Variants in SHQ1 observed in about 807,000 individuals in gnomAD.
SHQ1 encodes SHQ1, H/ACA ribonucleoprotein assembly factor, also known as protein SHQ1 homolog.
In SHQ1, 49 loss-of-function variants were observed where a neutral mutation model predicts 53.8. That is an observed-to-expected ratio of 0.91 (90% CI 0.72 to 1.16). The LOEUF is 1.16. SHQ1 is among the 50% of genes most tolerant of loss of function. SHQ1 has a pLI of 0.00. For missense variants in SHQ1, 738 were observed against 683.1 expected (o/e 1.08, Z -0.90); for synonymous variants, 243 against 251.0 (o/e 0.97, Z 0.30).
At chr3:72,813,830 CTTTTTTTTT>C (rs931930903) in intron 8 of SHQ1, among the ~76,000 whole-genome samples, 1 of 108,204 alleles carries the variant, frequency 9.2e-6, no homozygotes, top group Non-Finnish European at 1.8e-5. Context: ...TCCTCTTTTT[CTTTTTTTTT>C]TTTTTTTTGC....
intron 9 of SHQ1, among the ~76,000 whole-genome samples, chr3:72,808,302 C>A (rs1228022637): frequency 2.0e-5 from 3 of 152,180 alleles, no homozygotes; most frequent in East Asian, 1.9e-4. Context: ...TTGTAGCCAA[C>A]CTTGTTTCAG....
rs1256820771 is a variant in SHQ1, at chr3:72,812,748, A to C, written c.983T>G (p.Val328Gly). The C allele has an allele frequency of 1.2e-6, 2 of 1,614,030 alleles. No homozygotes were observed. The highest frequency in any genetic ancestry group is 1.3e-5 in the African/African-American group (1 of 75,028). ...HDIMVSFGRR[V>G]LCYPLYRHFK... ...ATGGCGATAGAGTGGGTAACACAAC[A>C]CCCTTCTTCCAAAAGACACCATGAT... The change falls in exon 9 of 11, where the codon GTG (valine) becomes GGG (glycine). Residue 328 changes from valine to glycine, a missense_variant. Transcript: ENST00000325599.
chr3:72,765,271 G>A (rs907067328), intron 10 of SHQ1, among the ~76,000 whole-genome samples: 9 of 151,834 alleles, frequency 5.9e-5, no homozygotes, highest in African/African-American at 2.2e-4. Flanking sequence ...CCACATGCCT[G>A]CCCCTGAACC....
chr3:72,751,173 G>A (rs1305980182), intron 10 of SHQ1, among the ~76,000 whole-genome samples: 1 of 152,168 alleles, frequency 6.6e-6, no homozygotes, highest in Non-Finnish European at 1.5e-5. Flanking sequence ...CACTTTGGGA[G>A]GCTGAGGCGG....
chr3:72,751,506 G>GTATATA (rs1312437115), intron 10 of SHQ1, among the ~76,000 whole-genome samples: 6 of 117,442 alleles, frequency 5.1e-5, no homozygotes, highest in African/African-American at 2.2e-4. Flanking sequence ...GTGTGTGTGT[G>GTATATA]TGTATATATA....
chr3:72,748,317 C>T (rs1223519332), downstream of SHQ1, among the ~76,000 whole-genome samples: 1 of 92,774 alleles, frequency 1.1e-5, no homozygotes, highest in Non-Finnish European at 2.0e-5. Context: ...CAATCAAAGA[C>T]TATGAGGCAT....
At chr3:72,795,815 A>G (rs1274359451) in intron 9 of SHQ1, among the ~76,000 whole-genome samples, 5 of 152,226 alleles carry the variant, frequency 3.3e-5, no homozygotes, top group Non-Finnish European at 7.3e-5. Context: ...CAGAAAATGC[A>G]GGATTGGGGC....
chr3:72,742,903 C>T, the SHQ1 span, among the ~76,000 whole-genome samples: 3 of 152,170 alleles, frequency 2.0e-5, no homozygotes, highest in African/African-American at 4.8e-5. Flanking sequence ...CCCAAAGTGC[C>T]GGGATTACAG....
At chr3:72,751,535 T>TATATATATACAC (rs1444853961) in intron 10 of SHQ1, among the ~76,000 whole-genome samples, 7 of 139,966 alleles carry the variant, frequency 5.0e-5, no homozygotes, top group Admixed American at 1.4e-4. Context: ...TATATACATA[T>TATATATATACAC]ACATACACTA....
intron 10 of SHQ1, among the ~76,000 whole-genome samples, chr3:72,751,529 T>TATATATATATATATATATATATACACAC (rs1491584090): frequency 7.2e-6 from 1 of 137,994 alleles, no homozygotes; most frequent in African/African-American, 2.9e-5. Flanking sequence ...TATATATATA[T>TATATATATATATATATATATATACACAC]ACATATACAT....
chr3:72,789,105 T>G (rs998498828), intron 10 of SHQ1, among the ~76,000 whole-genome samples: 4 of 114,284 alleles, frequency 3.5e-5, no homozygotes, highest in East Asian at 5.2e-4. Flanking sequence ...AAAAGAAAAA[T>G]AAACTTGTTA....
chr3:72,762,175 A>G (rs942182906), intron 10 of SHQ1, among the ~76,000 whole-genome samples: 5 of 152,214 alleles, frequency 3.3e-5, no homozygotes, highest in African/African-American at 1.2e-4. Flanking sequence ...TTTGAGAAAA[A>G]TAAATGACTT....
At chr3:72,824,789 T>C (rs994901889) in intron 5 of SHQ1, among the ~76,000 whole-genome samples, 2 of 83,426 alleles carry the variant, frequency 2.4e-5, no homozygotes, top group Non-Finnish European at 6.4e-5. Flanking sequence ...GCTGATCTCT[T>C]TTTTTTTTTT....
intron 1 of SHQ1, 77 bp from the exon 2 acceptor site, chr3:72,844,500 T>G: frequency 9.4e-7 from 1 of 1,063,202 alleles, no homozygotes; most frequent in Non-Finnish European, 1.5e-6. Context: ...TTGCAAACAT[T>G]TAACCATCAA....
chr3:72,841,696 A>T (rs2106959660), intron 3 of SHQ1, among the ~76,000 whole-genome samples: 1 of 152,196 alleles, frequency 6.6e-6, no homozygotes, highest in East Asian at 1.9e-4. Context: ...TTTGTGGAAG[A>T]CAACTTTTCC....
intron 6 of SHQ1, among the ~76,000 whole-genome samples, chr3:72,823,074 G>A (rs973580976): frequency 2.1e-4 from 32 of 151,382 alleles, no homozygotes; most frequent in Admixed American, 3.3e-4. Context: ...GCGTGAAACC[G>A]GGAGGCAGAG....
chr3:72,808,980 G>A (rs1707037030), intron 9 of SHQ1, among the ~76,000 whole-genome samples: 1 of 152,196 alleles, frequency 6.6e-6, no homozygotes, highest in African/African-American at 2.4e-5. Context: ...TAAAGGTGGT[G>A]TGGGTGCAGG....
At chr3:72,766,819 C>A (rs1343288412) in intron 10 of SHQ1, among the ~76,000 whole-genome samples, 1 of 152,148 alleles carries the variant, frequency 6.6e-6, no homozygotes, top group African/African-American at 2.4e-5. Flanking sequence ...CTGGAGGAAA[C>A]CTGCTAGATA....
At chr3:72,797,271 T>C (rs527590555) in intron 9 of SHQ1, among the ~76,000 whole-genome samples, 1 of 151,804 alleles carries the variant, frequency 6.6e-6, no homozygotes, top group African/African-American at 2.4e-5. Flanking sequence ...AAAAAATAAA[T>C]AAATAAAATA....
Sources: allele counts gnomAD v4.1 joint callset (sites outside exome capture counted in the v4.1 genomes callset), GRCh38; gene constraint gnomAD v4.1.1; transcripts MANE v1.5; gene names NCBI Gene and HGNC (gene_info 2026-07-23, HGNC 2026-07-21).